The following TRPC1 variants were observed in gnomAD, a reference collection of about 807,000 sequenced individuals.
TRPC1 encodes the protein transient receptor potential cation channel subfamily C member 1.
In TRPC1, 42 loss-of-function variants were observed where a neutral mutation model predicts 88.2. That is an observed-to-expected ratio of 0.48 (90% confidence interval 0.37 to 0.62). The LOEUF (loss-of-function observed/expected upper bound fraction) is 0.62. Among genes scored for constraint, TRPC1 ranks in the 20% least tolerant of loss-of-function variants. TRPC1 has a pLI of 0.00. For synonymous variants in TRPC1, 288 were observed against 331.8 expected, an observed-to-expected ratio of 0.87 and a Z score of 1.43; for missense variants, 699 against 957.3, an observed-to-expected ratio of 0.73 and a Z score of 3.56.
At chr3:142,764,743 G>C (rs1262752743) in intron 4 of TRPC1, among the ~76,000 whole-genome samples, 1 of 151,972 alleles carries the variant, frequency 6.6e-6, no homozygotes, top group Non-Finnish European at 1.5e-5. Flanking sequence ...GTCTTGTATA[G>C]ATTGAATCTG....
At chr3:142,762,171 G>A (rs927470815) in intron 4 of TRPC1, among the ~76,000 whole-genome samples, 4 of 152,050 alleles carry the variant, frequency 2.6e-5, no homozygotes, top group African/African-American at 9.6e-5. Context: ...AAGTAGCTGG[G>A]ACTATAGGCA....
chr3:142,786,611 T>C (rs922375550), intron 7 of TRPC1, among the ~76,000 whole-genome samples: 3 of 152,286 alleles, frequency 2.0e-5, no homozygotes, highest in South Asian at 4.1e-4. Flanking sequence ...CTTTACCATA[T>C]ATGGTTTTAT....
intron 9 of TRPC1, among the ~76,000 whole-genome samples, chr3:142,793,493 A>T (rs1244189673): frequency 6.6e-6 from 1 of 152,054 alleles, no homozygotes; most frequent in Admixed American, 6.6e-5. Flanking sequence ...GTTCAGCTTT[A>T]TATTTTATAA....
intron 3 of TRPC1, among the ~76,000 whole-genome samples, chr3:142,744,213 ATACTAATTTT>A (rs1029451891): frequency 6.6e-6 from 1 of 152,154 alleles, no homozygotes; most frequent in African/African-American, 2.4e-5. Flanking sequence ...ATACAGTAAG[ATACTAATTTT>A]AAACTTACCA....
rs746595737 is a variant in TRPC1 at position 142,724,933 on chromosome 3, G to T, written c.172+202G>T. On this transcript the variant is annotated intron_variant, in intron 1 of 12. Coordinates refer to ENST00000476941, the MANE Select transcript of TRPC1 (RefSeq NM_001251845.2). The surrounding 1 kb of genome is among the most constrained non-coding windows in gnomAD (Gnocchi z 5.6). Reference sequence around the variant, plus strand: ...CTGGCGGGAGAGTGGAGCTGGGGCTGCGCCCTCGGAGCGCTGCACCGTCGG... The same window carrying T: ...CTGGCGGGAGAGTGGAGCTGGGGCTTCGCCCTCGGAGCGCTGCACCGTCGG... Among the ~76,000 whole-genome samples, 43 of 152,326 alleles carry T rather than the reference G, an allele frequency of 2.8e-4. No homozygotes were observed. Among genetic ancestry groups the T allele is most frequent in the Non-Finnish European group, 5.0e-4 (34 of 68,034 alleles).
intron 9 of TRPC1, among the ~76,000 whole-genome samples, chr3:142,797,175 GT>G (rs200039380): frequency 0.064 from 8,656 of 136,282 alleles, 253 homozygotes; most frequent in Non-Finnish European, 0.072. Flanking sequence ...AAAAAAGGTT[GT>G]TTTTTTTTTT....
At chr3:142,797,967 G>A (rs1936502409) in intron 9 of TRPC1, among the ~76,000 whole-genome samples, 2 of 152,072 alleles carry the variant, frequency 1.3e-5, no homozygotes, top group Non-Finnish European at 1.5e-5. Context: ...CTTCTAACGA[G>A]TAAAGAGCTG....
chr3:142,747,945 T>A (rs1934619259), intron 3 of TRPC1, among the ~76,000 whole-genome samples: 1 of 152,188 alleles, frequency 6.6e-6, no homozygotes, highest in Non-Finnish European at 1.5e-5. Context: ...TCTATAATCT[T>A]GTGAAAATTA....
intron 9 of TRPC1, among the ~76,000 whole-genome samples, chr3:142,797,348 C>T (rs189359645): frequency 4.1e-4 from 63 of 152,056 alleles, no homozygotes; most frequent in Admixed American, 1.6e-3. Context: ...GATTCTAAAA[C>T]AGTTTAAAGG....
chr3:142,751,723 T>C (rs1934772137), intron 4 of TRPC1, among the ~76,000 whole-genome samples: 1 of 152,182 alleles, frequency 6.6e-6, no homozygotes, highest in Non-Finnish European at 1.5e-5. Flanking sequence ...AAATAGACTT[T>C]AAGGCTGTAA....
At chr3:142,780,332 C>T (rs1349789986) in intron 5 of TRPC1, among the ~76,000 whole-genome samples, 1 of 152,042 alleles carries the variant, frequency 6.6e-6, no homozygotes, top group Non-Finnish European at 1.5e-5. Context: ...CAAATGAGCA[C>T]TTTAAATATG....
At chr3:142,731,119 T>G (rs770313375) in intron 1 of TRPC1, among the ~76,000 whole-genome samples, 12 of 152,168 alleles carry the variant, frequency 7.9e-5, no homozygotes, top group Non-Finnish European at 1.3e-4. Flanking sequence ...TTTTGTATAC[T>G]AGTTCATTTT....
chr3:142,800,494 G>A (rs973723351), intron 9 of TRPC1, among the ~76,000 whole-genome samples: 1 of 152,146 alleles, frequency 6.6e-6, no homozygotes. Context: ...ATCACTGAAA[G>A]CGGGATGTGC....
chr3:142,748,555 A>G, intron 4 of TRPC1, 95 bp downstream of exon 4: 1 of 1,346,454 alleles, frequency 7.4e-7, no homozygotes, highest in Non-Finnish European at 1.0e-6. Flanking sequence ...CTTTTAAGAA[A>G]TGTGATGCTG....
At chr3:142,768,238 G>C (rs1198567360) in intron 4 of TRPC1, among the ~76,000 whole-genome samples, 1 of 151,886 alleles carries the variant, frequency 6.6e-6, no homozygotes, top group East Asian at 1.9e-4. Flanking sequence ...ATTACATATC[G>C]CTACTGGTTT....
Position 142,724,491 on chromosome 3 carries a change from T to TCGGGGA in TRPC1, c.-64_-63insACGGGG. The TCGGGGA allele has an allele frequency of 7.3e-7, 1 of 1,377,466 alleles. No individual in the cohort carries two copies. The highest frequency in any genetic ancestry group is 9.4e-7 in the Non-Finnish European group (1 of 1,063,402). 85.3% of individuals were successfully genotyped at this position (1,377,466 alleles called of 1,614,324 possible). ...TTCCAGCCCTGGGGCGTGGCTGGGG[T>TCGGGGA]CGGGGTCGGGGTCGGGGCCGGTGGG... is the stretch of plus-strand genomic sequence containing the variant. On this transcript the variant is annotated 5_prime_UTR_variant, in exon 1 of 13. Transcript: ENST00000476941. This position sits in a 1 kb window ranked among gnomAD's most constrained non-coding sequence, Gnocchi z 5.6.
At chr3:142,777,064 C>A (rs932073489) in intron 4 of TRPC1, among the ~76,000 whole-genome samples, 3 of 152,136 alleles carry the variant, frequency 2.0e-5, no homozygotes, top group Non-Finnish European at 4.4e-5. Context: ...GTAATCCCAG[C>A]ACTTTGGGAG....
At chr3:142,738,562 G>A (rs1055986718) in intron 2 of TRPC1, among the ~76,000 whole-genome samples, 13 of 152,232 alleles carry the variant, frequency 8.5e-5, no homozygotes, top group African/African-American at 2.9e-4. Flanking sequence ...GTCACCATAA[G>A]GGGACATTTG....
At chr3:142,729,790 A>T (rs1577937554) in intron 1 of TRPC1, among the ~76,000 whole-genome samples, 1 of 152,204 alleles carries the variant, frequency 6.6e-6, no homozygotes, top group East Asian at 1.9e-4. Context: ...GGTAATGAGG[A>T]TTTCAAAAGT....
Sources: gnomAD v4.1 joint callset for allele counts (sites outside exome capture counted in the v4.1 genomes callset) on GRCh38, gnomAD v4.1.1 for gene constraint, Gnocchi (gnomAD v3.1) non-coding constraint, MANE v1.5 for transcripts, NCBI Gene and HGNC (gene_info 2026-07-23, HGNC 2026-07-21) for gene names.